PCM1: variants seen among roughly 807,000 people sequenced by gnomAD.
PCM1 encodes the protein pericentriolar material 1 protein.
PCM1 carries 157 observed loss-of-function variants against 241.9 expected under a neutral mutation model. That is an observed-to-expected ratio of 0.65 (90% confidence interval 0.57 to 0.74). PCM1 has a LOEUF of 0.74. PCM1 is among the 30% of genes least tolerant of loss of function. The pLI, the probability that PCM1 is intolerant of heterozygous loss-of-function variation, is 0.00. For synonymous variants in PCM1, 1,085 were observed against 784.9 expected (o/e 1.38, Z -6.39); for missense variants, 3,478 against 2,360.1 (o/e 1.47, Z -9.81).
rs767341755 is a variant in PCM1, at chr8:17,969,702, C to G, written c.3538C>G (p.Pro1180Ala). 1 of 1,612,688 alleles carries G rather than the reference C, an allele frequency of 6.2e-7. No homozygotes were observed. Among genetic ancestry groups the G allele is most frequent in the Non-Finnish European group, 8.5e-7 (1 of 1,179,298 alleles). Residue 1180 changes from proline (P) to alanine (A), a missense_variant, in exon 22 of 39, where the codon CCA (proline) becomes GCA (alanine). By Grantham distance (27) the Pro-to-Ala change is conservative. Coordinates refer to ENST00000325083, the MANE Select transcript of PCM1 (RefSeq NM_006197.4). ...SSGKTEYMAF[P>A]KPFESSSSIG... is the part of the protein sequence containing the mutation. ...AGGAAAAACAGAATATATGGCTTTTCCAAAACCTTTTGAAAGCAGTTCCTC... is the reference window on the plus strand; with the variant it reads ...AGGAAAAACAGAATATATGGCTTTTGCAAAACCTTTTGAAAGCAGTTCCTC...
Position 17,928,882 on chromosome 8 carries a change from T to C in PCM1, c.-23+4102T>C, listed in dbSNP as rs1467994935. Among the ~76,000 whole-genome samples the C allele has an allele frequency of 2.6e-5, 4 of 152,094 alleles. No homozygotes were observed. In the East Asian group the frequency reaches 7.7e-4, roughly 29 times the overall value. On this transcript the variant is annotated intron_variant, in intron 2 of 38. Coordinates refer to ENST00000325083, the MANE Select transcript of PCM1 (RefSeq NM_006197.4). Reference sequence around the variant, plus strand: ...CCTGACCTTAGATGACTCACCCACCTCAGCCTCCCACAGTGCTGGTATTAC... The same window carrying C: ...CCTGACCTTAGATGACTCACCCACCCCAGCCTCCCACAGTGCTGGTATTAC...
At chr8:17,990,486 T>G (rs1426386369) in intron 27 of PCM1, among the ~76,000 whole-genome samples, 2 of 141,354 alleles carry the variant, frequency 1.4e-5, no homozygotes, top group South Asian at 2.2e-4. Context: ...TTTGTTTGGG[T>G]TTTTTTTTTT....
chr8:17,968,670 T>C (rs370515746), intron 21 of PCM1, among the ~76,000 whole-genome samples: 3 of 151,744 alleles, frequency 2.0e-5, no homozygotes, highest in Admixed American at 2.0e-4. Flanking sequence ...TACTCAATAC[T>C]TCTTACATAC....
At chr8:17,951,882 A>G (rs936369677) in intron 8 of PCM1, among the ~76,000 whole-genome samples, 5 of 152,120 alleles carry the variant, frequency 3.3e-5, no homozygotes, top group African/African-American at 1.2e-4. Flanking sequence ...TCATTATATG[A>G]TTTCCTAAGC....
At position 17,953,052 on chromosome 8, in the gene PCM1, C is replaced by T. The variant is rs755201226; in HGVS notation, c.1154C>T (p.Ala385Val). Residue 385 changes from alanine (A) to valine (V), a missense_variant, in exon 9 of 39, where the codon GCT becomes GTT. Transcript: ENST00000325083. ...GTTTCCCAGAGCAGGAAACCATCAG[C>T]TTCAGAACGTTTACCTGATGAGAAA... ...REVSQSRKPSASERLPDEKVE... is the reference protein window; with the variant it reads ...REVSQSRKPSVSERLPDEKVE... The T allele has an allele frequency of 1.2e-6, 2 of 1,606,886 alleles. No individual in the cohort carries two copies. The highest frequency in any genetic ancestry group is 2.2e-5 in the East Asian group (1 of 44,750).
intron 30 of PCM1, among the ~76,000 whole-genome samples, chr8:18,007,977 C>T (rs938106203): frequency 6.6e-6 from 1 of 152,104 alleles, no homozygotes; most frequent in African/African-American, 2.4e-5. Context: ...TTTGAAGATT[C>T]TCAACCTAAA....
Position 17,980,733 on chromosome 8 carries a change from T to A in PCM1, c.4086T>A (p.Asn1362Lys). The A allele has an allele frequency of 1.2e-6, 2 of 1,610,224 alleles. No homozygotes were observed. The highest frequency in any genetic ancestry group is 1.1e-5 in the South Asian group (1 of 90,998). Residue 1362 changes from asparagine to lysine, a missense_variant, in exon 24 of 39, where the codon AAT becomes AAA. Asn to Lys is a moderately conservative substitution (Grantham distance 94). Transcript: ENST00000325083. The stretch of plus-strand genomic sequence containing the variant: ...AACTGGAAAAAATAATAAAATGTAA[T>A]AGGTCTACAGAAATATCTTCAGGTA... ...HEQLEKIIKC[N>K]RSTEISSETG...
intron 29 of PCM1, 54 bp from the exon 30 acceptor site, chr8:18,006,209 C>A: frequency 7.1e-7 from 1 of 1,407,466 alleles, no homozygotes; most frequent in Admixed American, 2.6e-5. Context: ...GATTGATTTT[C>A]TTTTTTTAAA....
At chr8:17,943,614 T>C (rs1411338346) in intron 6 of PCM1, among the ~76,000 whole-genome samples, 1 of 152,218 alleles carries the variant, frequency 6.6e-6, no homozygotes, top group East Asian at 1.9e-4. Context: ...ATTATTATTC[T>C]TTTTTGAATT....
intron 2 of PCM1, chr8:17,928,020 G>C (rs1012747804): frequency 6.6e-6 from 1 of 150,980 alleles, no homozygotes; most frequent in Non-Finnish European, 1.5e-5. Flanking sequence ...CGTTTAGTAA[G>C]GCATAGCATG....
At position 17,944,373 on chromosome 8, in the gene PCM1, C is replaced by T. The variant is rs145906244; in HGVS notation, c.784-2813C>T. ...TCTAGGCTTATAGTTCCTCAACCTTCACATGAAGAAATTGAAGTACATAAT... is the reference window on the plus strand; with the variant it reads ...TCTAGGCTTATAGTTCCTCAACCTTTACATGAAGAAATTGAAGTACATAAT... On this transcript the variant is annotated intron_variant, in intron 6 of 38. Coordinates refer to ENST00000325083, the MANE Select transcript of PCM1 (RefSeq NM_006197.4). 1.3e-3 allele frequency among the ~76,000 whole-genome samples: 204 copies of T among 152,196 alleles called. 1 individual carries two copies. Among genetic ancestry groups the T allele is most frequent in the African/African-American group, 4.7e-3 (194 of 41,538 alleles).
intron 20 of PCM1, among the ~76,000 whole-genome samples, chr8:17,966,681 A>G (rs1453012253): frequency 3.9e-5 from 6 of 152,218 alleles, no homozygotes; most frequent in Non-Finnish European, 2.9e-5. Context: ...ATTGAATTTT[A>G]CTTATATTTT....
chr8:18,019,077 C>T (rs996875611), intron 36 of PCM1, among the ~76,000 whole-genome samples: 2 of 151,878 alleles, frequency 1.3e-5, no homozygotes, highest in African/African-American at 4.8e-5. Context: ...CTTTCCTCTG[C>T]CTTTTTCAGT....
intron 32 of PCM1, 123 bp from the exon 33 acceptor site, chr8:18,011,114 C>G (rs1230759157): frequency 5.2e-6 from 3 of 575,232 alleles, no homozygotes; most frequent in African/African-American, 3.9e-5. Flanking sequence ...TAAAACTAGA[C>G]TATCAAAAAT....
At chr8:17,992,773 T>C (rs766416520) in intron 28 of PCM1, among the ~76,000 whole-genome samples, 2 of 151,800 alleles carry the variant, frequency 1.3e-5, no homozygotes, top group African/African-American at 2.4e-5. Context: ...TGTGCCACCA[T>C]GTCCAGCTAA....
At chr8:18,019,786 G>A (rs1043749532) in intron 36 of PCM1, among the ~76,000 whole-genome samples, 6 of 152,136 alleles carry the variant, frequency 3.9e-5, no homozygotes, top group Non-Finnish European at 8.8e-5. Flanking sequence ...CCTGCTATTT[G>A]GCCTGGTTCT....
chr8:17,964,250 G>C (rs2073899243), intron 17 of PCM1, among the ~76,000 whole-genome samples: 1 of 152,168 alleles, frequency 6.6e-6, no homozygotes, highest in Non-Finnish European at 1.5e-5. Context: ...ATTATAGAAA[G>C]TTCTGCTGAA....
intron 6 of PCM1, among the ~76,000 whole-genome samples, chr8:17,946,561 G>GTT (rs1463938246): frequency 6.6e-6 from 1 of 151,430 alleles, no homozygotes; most frequent in African/African-American, 2.4e-5. Context: ...CAATGGTGCA[G>GTT]TCTCAGCTCA....
chr8:18,003,815 A>AT lies in PCM1; in HGVS notation c.4828-2442dup, dbSNP rs1311241415. 3.3e-5 allele frequency among the ~76,000 whole-genome samples: 5 copies of AT among 152,170 alleles called. No homozygotes were observed. The East Asian group carries it at 7.7e-4, about 23-fold the overall frequency. On this transcript the variant is annotated intron_variant, in intron 29 of 38. Coordinates refer to ENST00000325083, the MANE Select transcript of PCM1 (RefSeq NM_006197.4). ...ATACTTATAAATTTTAAGAATATAGATTTTTTATATAGATATTTATCTCAG... is the reference window on the plus strand; with the variant it reads ...ATACTTATAAATTTTAAGAATATAGATTTTTTTATATAGATATTTATCTCAG...
Sources: allele counts gnomAD v4.1 joint callset (sites outside exome capture counted in the v4.1 genomes callset), GRCh38; gene constraint gnomAD v4.1.1; transcripts MANE v1.5; gene names NCBI Gene and HGNC (gene_info 2026-07-23, HGNC 2026-07-21).